DPP7: variants seen among roughly 807,000 people sequenced by gnomAD.
DPP7 encodes dipeptidyl peptidase 7, also known as dipeptidyl peptidase 2.
A neutral mutation model predicts 58.8 loss-of-function variants in DPP7; 74 were observed. That is an observed-to-expected ratio of 1.26 (90% CI 1.04 to 1.53). The LOEUF (loss-of-function observed/expected upper bound fraction) is 1.53. Among genes scored for constraint, DPP7 ranks in the 40% most tolerant of loss-of-function variants. The probability of loss-of-function intolerance (pLI) is 0.00; values close to 1 mark genes in which losing one functional copy is unlikely to be tolerated. For missense variants in DPP7, 807 were observed against 692.3 expected (o/e 1.17, Z -1.86); for synonymous variants, 350 against 303.6 (o/e 1.15, Z -1.59).
chr9:137,114,782 G>C (rs1018228648), upstream of DPP7: 1 of 1,148,892 alleles, frequency 8.7e-7, no homozygotes, highest in Non-Finnish European at 1.1e-6. Flanking sequence ...CCTCCCTCCA[G>C]GCCCCACGTG....
Position 137,114,700 on chromosome 9 carries a change from G to A in DPP7, c.14C>T (p.Pro5Leu), listed in dbSNP as rs1439243010. 6.1e-6 allele frequency: 8 copies of A among 1,314,784 alleles called. No individual in the cohort carries two copies. The highest frequency in any genetic ancestry group is 7.7e-6 in the Non-Finnish European group (8 of 1,034,078). The allele number at this position is 1,314,784 out of a possible 1,614,324, so 81.4% of individuals were successfully genotyped here. A position where few individuals can be genotyped will look rare whatever the true frequency, so the allele number is the denominator to read the frequency against. The change falls in exon 1 of 13, where the codon CCC (proline) becomes CTC (leucine). Residue 5 changes from proline (P) to leucine (L), a missense_variant. By Grantham distance (98) the Pro-to-Leu change is moderately conservative. This residue lies in a region of DPP7 where 168 missense variants were observed against 124.1 expected (regional missense o/e 1.35). Coordinates refer to ENST00000371579, the MANE Select transcript of DPP7 (RefSeq NM_013379.3). Reference protein sequence around the residue: MGSAPWAPVLLLALG... With the variant: MGSALWAPVLLLALG... Reference sequence around the variant, plus strand: ...CGCCAGCAGCAGGACCGGGGCCCAGGGAGCGGAGCCCATGTCGCCTTCCGC... The same window carrying A: ...CGCCAGCAGCAGGACCGGGGCCCAGAGAGCGGAGCCCATGTCGCCTTCCGC...
In DPP7 at chr9:137,113,515, G is replaced by C. The variant is rs776545944; in HGVS notation, c.486-19C>G. 6.5e-7 allele frequency: 1 copy of C among 1,531,854 alleles called. No homozygotes were observed. The highest frequency in any genetic ancestry group is 8.8e-7 in the Non-Finnish European group (1 of 1,139,378). The allele number at this position is 1,531,854 out of a possible 1,614,324, so 94.9% of individuals were successfully genotyped here. A position where few individuals can be genotyped will look rare whatever the true frequency, so the allele number is the denominator to read the frequency against. ...CCCATAACTGGGTGAGGGACACAGG[G>C]TTAGGGCTGCTGCCCCCAACACCCC... On this transcript the variant is annotated intron_variant, in intron 4 of 12. Transcript: ENST00000371579.
Position 137,113,158 on chromosome 9 carries a change from C to G in DPP7, c.704-39G>C, listed in dbSNP as rs778806816. 2.5e-6 allele frequency: 4 copies of G among 1,613,616 alleles called. No individual in the cohort carries two copies. The South Asian group carries it at 4.4e-5, about 18-fold the overall frequency. ...GCAGAGACTTGAAGTTTGGGCATAG[C>G]TGGCGCTGGGGCGGGTCAGGCAGTG... On this transcript the variant is annotated intron_variant, in intron 6 of 12. Transcript: ENST00000371579.
In DPP7 at chr9:137,114,722, C is replaced by T. The variant is rs1831578709; in HGVS notation, c.-9G>A. ...CAGGGAGCGGAGCCCATGTCGCCTT[C>T]CGCGGGCGCCCGTCACGTGGGCGGG... is the stretch of plus-strand genomic sequence containing the variant. On this transcript the variant is annotated 5_prime_UTR_variant, in exon 1 of 13. Coordinates refer to ENST00000371579, the MANE Select transcript of DPP7 (RefSeq NM_013379.3). 2.4e-6 allele frequency: 3 copies of T among 1,276,186 alleles called. No individual in the cohort carries two copies. The highest frequency in any genetic ancestry group is 4.2e-5 in the Admixed American group (1 of 23,578). 79.1% of individuals were successfully genotyped at this position (1,276,186 alleles called of 1,614,324 possible).
chr9:137,115,885 G>A (rs1268714956), upstream of DPP7, among the ~76,000 whole-genome samples: 2 of 152,158 alleles, frequency 1.3e-5, no homozygotes, highest in Non-Finnish European at 2.9e-5. Context: ...CGCAGGACGG[G>A]GGTGAGGACA....
rs771849030 is a variant in DPP7, at chr9:137,114,491, C to T, written c.153G>A (p.Lys51=). ...ACACCAGGAAGCGCTGAGGGAAGGT[C>T]TTGTTGCCGAAGCGCTCGAAGTTGA... is the stretch of plus-strand genomic sequence containing the variant. The part of the protein sequence containing the change: ...DHFNFERFGN[K]TFPQRFLVSD... Residue 51 remains lysine, a synonymous_variant, in exon 2 of 13, where the codon AAG becomes AAA. Transcript: ENST00000371579. 7 of 1,581,336 alleles carry T rather than the reference C, an allele frequency of 4.4e-6. No homozygotes were observed. The South Asian group carries it at 8.0e-5, about 18-fold the overall frequency.
intron 7 of DPP7, 22 bp downstream of exon 7, chr9:137,112,931 G>A (rs772726876): frequency 2.5e-5 from 40 of 1,612,342 alleles, no homozygotes; most frequent in East Asian, 2.0e-4. Flanking sequence ...CTCTCCCTGC[G>A]CCCTGGGAGG....
In DPP7 at chr9:137,111,911, G is replaced by A. The variant is rs1420888917; in HGVS notation, c.1169C>T (p.Pro390Leu). 1.9e-6 allele frequency: 3 copies of A among 1,613,246 alleles called. No individual in the cohort carries two copies. The South Asian group carries it at 3.3e-5, about 18-fold the overall frequency. ...RYCLDTWGVWPRPDWLLTSFW... is the reference protein window; with the variant it reads ...RYCLDTWGVWLRPDWLLTSFW... ...GCTGGTCAGCAGCCAGTCGGGCCGGGGCCACACGCCCCAGGTGTCCAGGCA... is the reference window on the plus strand; with the variant it reads ...GCTGGTCAGCAGCCAGTCGGGCCGGAGCCACACGCCCCAGGTGTCCAGGCA... The change falls in exon 10 of 13, where the codon CCC (proline) becomes CTC (leucine). Residue 390 changes from proline (P) to leucine (L), a missense_variant. By Grantham distance (98) the Pro-to-Leu change is moderately conservative (BLOSUM62 -3). Coordinates refer to ENST00000371579, the MANE Select transcript of DPP7 (RefSeq NM_013379.3).
At position 137,114,082 on chromosome 9, in the gene DPP7, GCCCCGCGACCCCCGCCCGCGA is replaced by G. The variant is rs1831517276; in HGVS notation, c.322-75_322-55del. The stretch of plus-strand genomic sequence containing the variant: ...CCGCGACCCCGCCCGGCACCCGCGT[GCCCCGCGACCCCCGCCCGCGA>G]CCCCGCCCGGCACCCGCGTGCCCCG... On this transcript the variant is annotated intron_variant, in intron 3 of 12. Coordinates refer to ENST00000371579, the MANE Select transcript of DPP7 (RefSeq NM_013379.3). 5.1e-6 allele frequency: 6 copies of G among 1,181,516 alleles called. 1 individual carries two copies. In the Admixed American group the frequency reaches 2.7e-4, roughly 54 times the overall value. 73.2% of individuals were successfully genotyped at this position (1,181,516 alleles called of 1,614,324 possible). A position where few individuals can be genotyped will look rare whatever the true frequency, so the allele number is the denominator to read the frequency against.
intron 5 of DPP7, 24 bp from the exon 6 acceptor site, chr9:137,113,311 C>A (rs184063077): frequency 6.2e-7 from 1 of 1,613,370 alleles, no homozygotes; most frequent in African/African-American, 1.3e-5. Flanking sequence ...ACCGTGCTGA[C>A]TGCAGCTGCT....
At position 137,110,736 on chromosome 9, in the gene DPP7, A is replaced by G; in HGVS notation, c.1391T>C (p.Leu464Pro). Reference sequence around the variant, plus strand: ...CCACTCGCCGATGATGGTGGCCTCCAGCTTCCGCGCCTCAACCACGGAAGC... The same window carrying G: ...CCACTCGCCGATGATGGTGGCCTCCGGCTTCCGCGCCTCAACCACGGAAGC... ...DPASVVEARK[L>P]EATIIGEWVK... Residue 464 changes from leucine to proline, a missense_variant, in exon 13 of 13, where the codon CTG becomes CCG. This residue lies in a region of DPP7 where 624 missense variants were observed against 531.2 expected (regional missense o/e 1.17). Coordinates refer to ENST00000371579, the MANE Select transcript of DPP7 (RefSeq NM_013379.3). 3.7e-6 allele frequency: 6 copies of G among 1,606,948 alleles called. No individual in the cohort carries two copies. Among genetic ancestry groups the G allele is most frequent in the Non-Finnish European group, 4.2e-6 (5 of 1,179,862 alleles).
intron 11 of DPP7, 146 bp downstream of exon 11, chr9:137,111,544 T>G: frequency 3.6e-6 from 3 of 841,120 alleles, no homozygotes. Flanking sequence ...TAGTCCCAGT[T>G]ACTGGGAGGC....
Position 137,113,968 on chromosome 9 carries a change from G to T in DPP7, c.382C>A (p.Leu128Met). 6.3e-7 allele frequency: 1 copy of T among 1,583,834 alleles called. No homozygotes were observed. The highest frequency in any genetic ancestry group is 8.5e-7 in the Non-Finnish European group (1 of 1,170,178). Residue 128 changes from leucine to methionine, a missense_variant, in exon 4 of 13, where the codon CTG becomes ATG. Coordinates refer to ENST00000371579, the MANE Select transcript of DPP7 (RefSeq NM_013379.3). ...AQSTQRGHTE[L>M]LTVEQALADF... is the part of the protein sequence containing the mutation. ...GCCAGGGCCTGCTCCACCGTCAGCA[G>T]CTCCGTGTGCCCGCGCTGCGTGGAC...
chr9:137,113,831 G>C lies in DPP7; in HGVS notation c.485+34C>G, dbSNP rs745476860. On this transcript the variant is annotated intron_variant, in intron 4 of 12. Coordinates refer to ENST00000371579, the MANE Select transcript of DPP7 (RefSeq NM_013379.3). ...GGGGGCGCTGGGTCGGGGCAGGGGAGGGAGGGGGTGCGGAGGCCGGGGGAG... is the reference window on the plus strand; with the variant it reads ...GGGGGCGCTGGGTCGGGGCAGGGGACGGAGGGGGTGCGGAGGCCGGGGGAG... 72 of 1,453,116 alleles carry C rather than the reference G, an allele frequency of 5.0e-5. No individual in the cohort carries two copies. In the African/African-American group the frequency reaches 9.6e-4, roughly 19 times the overall value. The allele number at this position is 1,453,116 out of a possible 1,614,324, so 90.0% of individuals were successfully genotyped here. A position where few individuals can be genotyped will look rare whatever the true frequency, so the allele number is the denominator to read the frequency against.
At chr9:137,112,866 C>A (rs1831445450) in intron 7 of DPP7, 61 bp from the exon 8 acceptor site, 1 of 1,601,176 alleles carries the variant, frequency 6.2e-7, no homozygotes, top group Non-Finnish European at 8.5e-7. Flanking sequence ...GCCTCCCTGG[C>A]TCCCAGGATG....
intron 4 of DPP7, 69 bp downstream of exon 4, chr9:137,113,796 G>A: frequency 7.8e-7 from 1 of 1,285,376 alleles, no homozygotes; most frequent in Non-Finnish European, 1.0e-6. Flanking sequence ...GGGGAGTGGG[G>A]AGAAGGGCTG....
Position 137,113,300 on chromosome 9 carries a change from G to T in DPP7, c.622-13C>A. On this transcript the variant is annotated splice_polypyrimidine_tract_variant and intron_variant, in intron 5 of 12. Transcript: ENST00000371579. ...GGCCCTCAAAGTCCTGGGGGAAAGA[G>T]ACCGTGCTGACTGCAGCTGCTGTCC... 6.2e-7 allele frequency: 1 copy of T among 1,613,646 alleles called. No homozygotes were observed. The highest frequency in any genetic ancestry group is 8.5e-7 in the Non-Finnish European group (1 of 1,179,994).
Position 137,114,666 on chromosome 9 carries a change from C to T in DPP7, c.48G>A (p.Leu16=). The T allele has an allele frequency of 7.3e-7, 1 of 1,363,962 alleles. No individual in the cohort carries two copies. The highest frequency in any genetic ancestry group is 9.4e-7 in the Non-Finnish European group (1 of 1,059,958). 84.5% of individuals were successfully genotyped at this position (1,363,962 alleles called of 1,614,324 possible). A position where few individuals can be genotyped will look rare whatever the true frequency, so the allele number is the denominator to read the frequency against. Reference sequence around the variant, plus strand: ...ACTCACCCCCCGCCTGGAGGCCGCGCAGCCCGAGCGCCAGCAGCAGGACCG... The same window carrying T: ...ACTCACCCCCCGCCTGGAGGCCGCGTAGCCCGAGCGCCAGCAGCAGGACCG... The part of the protein sequence containing the change: ...WAPVLLLALG[L]RGLQAGARRA... The change falls in exon 1 of 13, where the codon CTG becomes CTA. Residue 16 remains leucine (L), a synonymous_variant. Transcript: ENST00000371579.
In DPP7 at chr9:137,114,048, A is replaced by G. The variant is rs1183448311; in HGVS notation, c.322-20T>C. On this transcript the variant is annotated intron_variant, in intron 3 of 12. Coordinates refer to ENST00000371579, the MANE Select transcript of DPP7 (RefSeq NM_013379.3). The stretch of plus-strand genomic sequence containing the variant: ...GTAGCGCTGGGGGAACGTGCCATTG[A>G]GCCCGGCCCCGCGACCCCGCCCGGC... The G allele has an allele frequency of 1.5e-6, 2 of 1,336,410 alleles. No homozygotes were observed. The highest frequency in any genetic ancestry group is 9.6e-7 in the Non-Finnish European group (1 of 1,037,300). 82.8% of individuals were successfully genotyped at this position (1,336,410 alleles called of 1,614,324 possible). A position where few individuals can be genotyped will look rare whatever the true frequency, so the allele number is the denominator to read the frequency against.
Sources: gnomAD v4.1 joint callset for allele counts (sites outside exome capture counted in the v4.1 genomes callset) on GRCh38, gnomAD v4.1.1 for gene constraint, gnomAD v4.1.1 regional missense constraint, MANE v1.5 for transcripts, NCBI Gene and HGNC (gene_info 2026-07-23, HGNC 2026-07-21) for gene names.